The following TTC3 variants were observed in gnomAD, a reference collection of about 807,000 sequenced individuals.
The protein encoded by TTC3 is tetratricopeptide repeat domain 3.
TTC3 carries 180 observed loss-of-function variants against 249.6 expected under a neutral mutation model. The ratio of observed to expected loss-of-function variants is 0.72; its 90% CI spans 0.64 to 0.82. The LOEUF is 0.82. TTC3 is among the 40% of genes least tolerant of loss of function. TTC3 has a pLI of 0.00. For missense variants in TTC3, 2,061 were observed against 2,398.4 expected (o/e 0.86, Z 2.94); for synonymous variants, 717 against 805.0 (o/e 0.89, Z 1.85).
chr21:37,085,557 A>G (rs2072341942), intron 1 of TTC3, among the ~76,000 whole-genome samples: 1 of 152,238 alleles, frequency 6.6e-6, no homozygotes, highest in Admixed American at 6.5e-5. Flanking sequence ...TCAGGAAGAC[A>G]TGAGCCGTAA....
intron 11 of TTC3, 36 bp from the exon 12 acceptor site, chr21:37,121,781 T>A (rs1267180054): frequency 6.6e-7 from 1 of 1,521,694 alleles, no homozygotes; most frequent in Non-Finnish European, 8.8e-7. Flanking sequence ...TTAAGCATAT[T>A]TTTGAGAAAA....
At chr21:37,150,025 T>C in intron 23 of TTC3, 53 bp from the exon 24 acceptor site, 1 of 1,313,368 alleles carries the variant, frequency 7.6e-7, no homozygotes, top group Non-Finnish European at 1.1e-6. Context: ...TGTATAGATT[T>C]ATCCCCCCTA....
chr21:37,091,048 A>G (rs2147687472), intron 6 of TTC3, among the ~76,000 whole-genome samples: 1 of 152,286 alleles, frequency 6.6e-6, no homozygotes. Flanking sequence ...TTGCAGAAGC[A>G]TCTTGAGCTC....
chr21:37,113,775 T>C (rs376092641), intron 11 of TTC3, among the ~76,000 whole-genome samples: 3 of 152,210 alleles, frequency 2.0e-5, no homozygotes, highest in South Asian at 2.1e-4. Context: ...CATGCTTACC[T>C]GACTTCAAAC....
At chr21:37,088,476 G>A (rs2072811203) in intron 4 of TTC3, 130 bp downstream of exon 4, 2 of 1,154,718 alleles carry the variant, frequency 1.7e-6, no homozygotes, top group Admixed American at 4.9e-5. Context: ...GTAATAGGGT[G>A]GAAAAAACAA....
In TTC3 at chr21:37,079,517, G is replaced by GTTT. The variant is rs60361476; in HGVS notation, c.-12+6185_-12+6187dup. On this transcript the variant is annotated intron_variant, in intron 1 of 45. Coordinates refer to ENST00000355666, the Ensembl canonical transcript of TTC3. ...GTCCTTTCATCAAGTTTATGGTATG[G>GTTT]TTTTTTTTTTTTTTTTTTTTTTTTT... is the stretch of plus-strand genomic sequence containing the variant. Among the ~76,000 whole-genome samples, 175 of 91,158 alleles carry GTTT rather than the reference G, an allele frequency of 1.9e-3. 12 individuals are homozygous for GTTT. The highest frequency in any genetic ancestry group is 2.4e-3 in the Non-Finnish European group (119 of 49,212). The allele number at this position is 91,158 out of a possible 152,430, so 59.8% of individuals were successfully genotyped here.
At chr21:37,201,699 T>C in exon 46 of TTC3, 1 of 1,255,720 alleles carries the variant, frequency 8.0e-7, no homozygotes, top group South Asian at 1.5e-5. Flanking sequence ...GCTAAATACA[T>C]GGAAATCGTT....
Position 37,201,743 on chromosome 21 carries a change from G to A in TTC3, c.*169G>A, listed in dbSNP as rs913202586. 121 of 859,040 alleles carry A rather than the reference G, an allele frequency of 1.4e-4. No individual in the cohort carries two copies. In the African/African-American group the frequency reaches 1.4e-3, roughly 10 times the overall value. The allele number at this position is 859,040 out of a possible 1,614,324, so 53.2% of individuals were successfully genotyped here. On this transcript the variant is annotated 3_prime_UTR_variant, in exon 46 of 46. Coordinates refer to ENST00000355666, the Ensembl canonical transcript of TTC3. ...TGATATTAAGTAATTTCCCCACTCT[G>A]AGTGAATACTTTGATGATTGCCAAC... is the stretch of plus-strand genomic sequence containing the variant.
At chr21:37,088,857 G>C in exon 5 of TTC3, 2 of 1,613,830 alleles carry the variant, frequency 1.2e-6, no homozygotes, top group Non-Finnish European at 1.7e-6. Flanking sequence ...GTTGATGGAA[G>C]ATATTGTGGA....
At chr21:37,161,909 A>T in intron 30 of TTC3, 81 bp from the exon 31 acceptor site, 1 of 906,148 alleles carries the variant, frequency 1.1e-6, no homozygotes, top group Non-Finnish European at 1.6e-6. Flanking sequence ...TTATATAAGT[A>T]TTCATCAATT....
chr21:37,104,013 A>G (rs150698201), intron 10 of TTC3, among the ~76,000 whole-genome samples: 11 of 152,282 alleles, frequency 7.2e-5, no homozygotes, highest in African/African-American at 2.2e-4. Context: ...GATGTAGGTT[A>G]GGAGGCTGTT....
chr21:37,138,583 A>G, intron 18 of TTC3, 51 bp from the exon 19 acceptor site: 2 of 1,314,050 alleles, frequency 1.5e-6, no homozygotes, highest in Non-Finnish European at 2.2e-6. Flanking sequence ...ACTGGATGCA[A>G]ATTGGGCAGA....
intron 1 of TTC3, chr21:37,082,922 A>C: frequency 1.0e-6 from 1 of 980,790 alleles, no homozygotes; most frequent in Non-Finnish European, 1.2e-6. Context: ...AAACTAGTTT[A>C]CATCTAAGTT....
intron 16 of TTC3, among the ~76,000 whole-genome samples, chr21:37,132,394 G>A (rs953157649): frequency 6.7e-6 from 1 of 150,294 alleles, no homozygotes; most frequent in Non-Finnish European, 1.5e-5. Flanking sequence ...GCAGTGGTAA[G>A]ATCTCGGTCC....
At chr21:37,191,893 G>A (rs2065595352) in intron 40 of TTC3, among the ~76,000 whole-genome samples, 1 of 152,152 alleles carries the variant, frequency 6.6e-6, no homozygotes, top group Admixed American at 6.5e-5. Context: ...CCAGCCGGAA[G>A]TAGTGATATT....
At chr21:37,188,449 G>T (rs375560841) in intron 38 of TTC3, 46 bp from the exon 39 acceptor site, 3 of 1,456,066 alleles carry the variant, frequency 2.1e-6, no homozygotes, top group Non-Finnish European at 1.9e-6. Context: ...AATAGTTTCA[G>T]GCTGTCATTT....
At chr21:37,170,252 T>C (rs2042081464) in intron 34 of TTC3, among the ~76,000 whole-genome samples, 1 of 152,174 alleles carries the variant, frequency 6.6e-6, no homozygotes, top group African/African-American at 2.4e-5. Context: ...ACTAATTTCC[T>C]TAACAACAAA....
chr21:37,105,135 A>G (rs2074950860), intron 10 of TTC3, among the ~76,000 whole-genome samples: 1 of 152,212 alleles, frequency 6.6e-6, no homozygotes, highest in Admixed American at 6.5e-5. Flanking sequence ...TTACAGTGGA[A>G]CTTAGATTTG....
At chr21:37,127,664 T>A (rs527840683) in intron 15 of TTC3, among the ~76,000 whole-genome samples, 1 of 152,316 alleles carries the variant, frequency 6.6e-6, no homozygotes, top group African/African-American at 2.4e-5. Context: ...GTTGATTTTT[T>A]AGTTAGTGAT....
Sources: allele counts gnomAD v4.1 joint callset (sites outside exome capture counted in the v4.1 genomes callset), GRCh38; gene constraint gnomAD v4.1.1; transcripts MANE v1.5; gene names NCBI Gene and HGNC (gene_info 2026-07-23, HGNC 2026-07-21).